DLGAP2: variants seen among roughly 807,000 people sequenced by gnomAD.
DLGAP2 encodes disks large-associated protein 2.
A neutral mutation model predicts 100.3 loss-of-function variants in DLGAP2; 26 were observed. The ratio of observed to expected loss-of-function variants is 0.26; its 90% CI spans 0.19 to 0.36. DLGAP2 has a LOEUF of 0.36. Ranked by LOEUF, DLGAP2 falls within the 10% of genes least tolerant of loss-of-function variation. The pLI is 1.00. For missense variants in DLGAP2, 1,858 were observed against 1,453.2 expected (o/e 1.28, Z -4.53); for synonymous variants, 886 against 630.1 (o/e 1.41, Z -6.08).
chr8:1,432,187 G>C (rs771985762), intron 3 of DLGAP2, among the ~76,000 whole-genome samples: 56 of 152,206 alleles, frequency 3.7e-4, no homozygotes, highest in Non-Finnish European at 6.9e-4. Flanking sequence ...TTCTCTTTCT[G>C]CTTTTTTGCC....
At chr8:1,572,214 G>A (rs58805304) in intron 6 of DLGAP2, among the ~76,000 whole-genome samples, 30,970 of 89,832 alleles carry the variant, frequency 0.34, 5,038 homozygotes, top group Middle Eastern at 0.5. Context: ...AACTGTGGGG[G>A]CATCTGATGA....
intron 1 of DLGAP2, among the ~76,000 whole-genome samples, chr8:904,763 A>T (rs891161383): frequency 1.3e-5 from 2 of 152,230 alleles, no homozygotes; most frequent in African/African-American, 4.8e-5. Context: ...CACCCGTGGC[A>T]GGCAGAACTC....
chr8:887,750 C>G lies in DLGAP2; in HGVS notation c.19-20162C>G, dbSNP rs998642362. 3.3e-5 allele frequency among the ~76,000 whole-genome samples: 5 copies of G among 152,314 alleles called. No homozygotes were observed. The East Asian group carries it at 9.6e-4, about 29-fold the overall frequency. ...TTTCTGCTGGAGGTCTGCTGTTAGT[C>G]TGATGGGCTTCCCTTTGTAGGTGAC... On this transcript the variant is annotated intron_variant, in intron 1 of 14. Transcript: ENST00000637795.
chr8:1,104,191 C>T (rs1235177929), intron 2 of DLGAP2, among the ~76,000 whole-genome samples: 2 of 152,184 alleles, frequency 1.3e-5, no homozygotes, highest in Non-Finnish European at 2.9e-5. Context: ...AGAACAGCAT[C>T]CAGCCCCGGC....
At chr8:1,457,105 A>G (rs1375022836) in intron 3 of DLGAP2, among the ~76,000 whole-genome samples, 2 of 152,148 alleles carry the variant, frequency 1.3e-5, no homozygotes, top group African/African-American at 4.8e-5. Context: ...AAAGACTCCT[A>G]TTTTATTGGA....
chr8:1,420,980 G>A (rs370240256), intron 3 of DLGAP2, among the ~76,000 whole-genome samples: 11 of 152,276 alleles, frequency 7.2e-5, no homozygotes, highest in African/African-American at 2.4e-4. Context: ...CCCAAAGAGC[G>A]GGGTCCTCTC....
chr8:998,467 ATT>A (rs11354301), intron 2 of DLGAP2, among the ~76,000 whole-genome samples: 36 of 142,738 alleles, frequency 2.5e-4, no homozygotes, highest in Non-Finnish European at 2.9e-4. Context: ...TGCCCAGCTA[ATT>A]TTTTTTTTTT....
chr8:1,060,293 C>T (rs1212406403), intron 2 of DLGAP2, among the ~76,000 whole-genome samples: 1 of 151,198 alleles, frequency 6.6e-6, no homozygotes. Flanking sequence ...GGATAGATCC[C>T]CTCCCAAGGC....
intron 1 of DLGAP2, among the ~76,000 whole-genome samples, chr8:872,555 C>A (rs1217137206): frequency 6.6e-6 from 1 of 152,104 alleles, no homozygotes; most frequent in East Asian, 1.9e-4. Flanking sequence ...TGGTCTCAAA[C>A]TGACCTCAGG....
chr8:1,213,262 A>G (rs1441570216), intron 2 of DLGAP2, among the ~76,000 whole-genome samples: 1 of 152,316 alleles, frequency 6.6e-6, no homozygotes, highest in East Asian at 1.9e-4. Context: ...AACAGGCTTC[A>G]GGATGTTGAT....
intron 3 of DLGAP2, among the ~76,000 whole-genome samples, chr8:1,413,193 C>G (rs1796783018): frequency 1.3e-5 from 2 of 152,176 alleles, no homozygotes; most frequent in Admixed American, 6.5e-5. Context: ...TCCCTCCTCT[C>G]TGTAGCACCT....
chr8:969,689 G>T (rs909009343), intron 2 of DLGAP2, among the ~76,000 whole-genome samples: 1 of 152,146 alleles, frequency 6.6e-6, no homozygotes, highest in African/African-American at 2.4e-5. Flanking sequence ...TTCATGCTAT[G>T]CTGCTGCAAA....
chr8:859,257 G>T (rs1005104102), intron 1 of DLGAP2, among the ~76,000 whole-genome samples: 10 of 152,012 alleles, frequency 6.6e-5, no homozygotes, highest in Non-Finnish European at 1.3e-4. Context: ...GATCACAGGC[G>T]CACGCCACGA....
At position 1,029,716 on chromosome 8, in the gene DLGAP2, G is replaced by A. The variant is rs77247063; in HGVS notation, c.73+121750G>A. 9.3e-3 allele frequency among the ~76,000 whole-genome samples: 1,416 copies of A among 152,288 alleles called. 23 individuals carry two copies. The highest frequency in any genetic ancestry group is 0.032 in the African/African-American group (1,348 of 41,554). On this transcript the variant is annotated intron_variant, in intron 2 of 14. Transcript: ENST00000637795. Reference sequence around the variant, plus strand: ...AGGCGGGTGACCTTGACTGAGGAATGGAGGAGGGGCTGAGCCTCAGTTACA... The same window carrying A: ...AGGCGGGTGACCTTGACTGAGGAATAGAGGAGGGGCTGAGCCTCAGTTACA...
At position 1,707,946 on chromosome 8, in the gene DLGAP2, A is replaced by C. The variant is rs563137329; in HGVS notation, c.*6540A>C. The C allele has an allele frequency of 2.0e-5, 3 of 152,762 alleles. No homozygotes were observed. The highest frequency in any genetic ancestry group is 7.2e-5 in the African/African-American group (3 of 41,590). 9.5% of individuals were successfully genotyped at this position (152,762 alleles called of 1,614,324 possible). On this transcript the variant is annotated 3_prime_UTR_variant, in exon 15 of 15. Transcript: ENST00000637795. ...TGATAAATTCTATTTAGTAGCATGC[A>C]GGATACCTAATCTGAATGTGCAATA...
chr8:1,170,496 G>A (rs1797106543), intron 2 of DLGAP2, among the ~76,000 whole-genome samples: 1 of 151,836 alleles, frequency 6.6e-6, no homozygotes, highest in Non-Finnish European at 1.5e-5. Flanking sequence ...GAATTCGGCT[G>A]TGAATCCATC....
chr8:1,254,485 GA>G (rs1799126127), intron 2 of DLGAP2, among the ~76,000 whole-genome samples: 2 of 152,178 alleles, frequency 1.3e-5, no homozygotes, highest in South Asian at 4.2e-4. Flanking sequence ...GGCCTCCTCG[GA>G]GCCTCTAGTT....
At chr8:1,692,947 CAG>C (rs1208306095) in intron 13 of DLGAP2, among the ~76,000 whole-genome samples, 1 of 147,808 alleles carries the variant, frequency 6.8e-6, no homozygotes, top group Non-Finnish European at 1.5e-5. Flanking sequence ...CTATTTCTGG[CAG>C]AGCAGAAAAG....
At chr8:1,133,023 G>A (rs1225946718) in intron 2 of DLGAP2, among the ~76,000 whole-genome samples, 2 of 152,168 alleles carry the variant, frequency 1.3e-5, no homozygotes, top group Admixed American at 6.5e-5. Flanking sequence ...CCCTAATCTG[G>A]GGTCTGTGTG....
Sources: gnomAD v4.1 joint callset for allele counts (sites outside exome capture counted in the v4.1 genomes callset) on GRCh38, gnomAD v4.1.1 for gene constraint, MANE v1.5 for transcripts, NCBI Gene and HGNC (gene_info 2026-07-23, HGNC 2026-07-21) for gene names.